KCNG4: variants seen among roughly 807,000 people sequenced by gnomAD.
KCNG4 encodes potassium voltage-gated channel modifier subfamily G member 4, also known as voltage-gated potassium channel regulatory subunit KCNG4.
A neutral mutation model predicts 28.2 loss-of-function variants in KCNG4; 30 were observed. That is an observed-to-expected ratio of 1.06 (90% CI 0.80 to 1.44). The LOEUF (loss-of-function observed/expected upper bound fraction) is 1.44, where lower values mean the gene tolerates loss of function less well. KCNG4 is among the 40% of genes most tolerant of loss of function. The pLI is 0.00. For missense variants in KCNG4, 879 were observed against 712.3 expected (o/e 1.23, Z -2.66); for synonymous variants, 375 against 315.5 (o/e 1.19, Z -2.00).
rs190551572 is a variant in KCNG4 at position 84,231,729 on chromosome 16, C to T, written c.756+5001G>A. On this transcript the variant is annotated intron_variant, in intron 2 of 2. Transcript: ENST00000308251. ...CATTCAAGTGAGAGTCGGGGTCGGG[C>T]GTGGTGGCTCAAGCTTGTAATCTCA... Among the ~76,000 whole-genome samples, 4 of 152,058 alleles carry T rather than the reference C, an allele frequency of 2.6e-5. No individual in the cohort carries two copies. In the East Asian group the frequency reaches 5.8e-4, roughly 22 times the overall value.
chr16:84,237,122 C>G lies in KCNG4; in HGVS notation c.364G>C (p.Val122Leu), dbSNP rs150663937. The change falls in exon 2 of 3, where the codon GTG becomes CTG. Residue 122 changes from valine (V) to leucine (L), a missense_variant. Coordinates refer to ENST00000308251, the MANE Select transcript of KCNG4 (RefSeq NM_172347.3). Reference sequence around the variant, plus strand: ...CCGGCCGCCAGGAAGCTCACGATCACCCCGAAGGCGCTGGGGCTCCTGTCG... The same window carrying G: ...CCGGCCGCCAGGAAGCTCACGATCAGCCCGAAGGCGCTGGGGCTCCTGTCG... ...FFDRSPSAFG[V>L]IVSFLAAGKL... is the part of the protein sequence containing the mutation. 6.2e-7 allele frequency: 1 copy of G among 1,614,152 alleles called. No individual in the cohort carries two copies. The highest frequency in any genetic ancestry group is 1.7e-5 in the Admixed American group (1 of 60,028).
chr16:84,239,160 A>C (rs1905044396), intron 1 of KCNG4, among the ~76,000 whole-genome samples: 1 of 152,202 alleles, frequency 6.6e-6, no homozygotes, highest in South Asian at 2.1e-4. Context: ...TCAATTTCAG[A>C]GCCGGTTGGA....
In KCNG4 at chr16:84,222,347, T is replaced by G. The variant is rs763086842; in HGVS notation, c.1430A>C (p.His477Pro). 14 of 1,613,956 alleles carry G rather than the reference T, an allele frequency of 8.7e-6. No homozygotes were observed. The highest frequency in any genetic ancestry group is 1.2e-5 in the Non-Finnish European group (14 of 1,179,974). Residue 477 changes from histidine to proline, a missense_variant, in exon 3 of 3, where the codon CAC becomes CCC. Coordinates refer to ENST00000308251, the MANE Select transcript of KCNG4 (RefSeq NM_172347.3). The part of the protein sequence containing the change: ...EQEQLQARLR[H>P]LQNTGPASEC... ...ACTGGCTGGACCGGTGTTTTGGAGG[T>G]GGCGGAGGCGGGCCTGAAGCTGCTC... is the stretch of plus-strand genomic sequence containing the variant.
intron 2 of KCNG4, 22 bp downstream of exon 2, chr16:84,236,708 A>C (rs1346836631): frequency 1.9e-6 from 3 of 1,590,904 alleles, no homozygotes; most frequent in African/African-American, 1.3e-5. Context: ...TGGAGCCGTG[A>C]ATGCCATCAG....
At chr16:84,225,182 G>A (rs1437230107) in intron 2 of KCNG4, among the ~76,000 whole-genome samples, 1 of 152,068 alleles carries the variant, frequency 6.6e-6, no homozygotes, top group Admixed American at 6.5e-5. Flanking sequence ...GGATATTACA[G>A]GAAGATGAGG....
At chr16:84,238,632 C>T (rs1358332061) in intron 1 of KCNG4, among the ~76,000 whole-genome samples, 2 of 152,114 alleles carry the variant, frequency 1.3e-5, no homozygotes, top group Admixed American at 6.5e-5. Flanking sequence ...CAGCACTTTG[C>T]GAGGCAGAGG....
At chr16:84,233,837 TA>T (rs1001374651) in intron 2 of KCNG4, among the ~76,000 whole-genome samples, 9 of 152,162 alleles carry the variant, frequency 5.9e-5, no homozygotes, top group African/African-American at 1.9e-4. Flanking sequence ...TGTGTAGTCA[TA>T]GGGGGTCGGA....
chr16:84,228,580 C>T (rs1904749796), intron 2 of KCNG4, among the ~76,000 whole-genome samples: 1 of 152,132 alleles, frequency 6.6e-6, no homozygotes, highest in African/African-American at 2.4e-5. Context: ...CCCCGAGCCG[C>T]AATCCCTCCT....
At chr16:84,232,430 G>A (rs909999998) in intron 2 of KCNG4, among the ~76,000 whole-genome samples, 3 of 152,168 alleles carry the variant, frequency 2.0e-5, no homozygotes, top group African/African-American at 7.2e-5. Flanking sequence ...TGGTGGGAGA[G>A]GAAGGAGGAG....
chr16:84,223,111 TG>T, intron 2 of KCNG4, 91 bp from the exon 3 acceptor site: 1 of 1,061,508 alleles, frequency 9.4e-7, no homozygotes, highest in Admixed American at 3.0e-5. Flanking sequence ...ATGAGCTTTG[TG>T]CTGTAAACTT....
rs1904978687 is a variant in KCNG4 at position 84,237,030 on chromosome 16, G to A, written c.456C>T (p.Ile152=). 1.2e-6 allele frequency: 2 copies of A among 1,613,834 alleles called. No homozygotes were observed. Among genetic ancestry groups the A allele is most frequent in the African/African-American group, 1.3e-5 (1 of 74,966 alleles). ...SFQEELAYWG[I]EEAHLERCCL... ...AGCACCTCTCCAGGTGGGCCTCCTC[G>A]ATGCCCCAGTAGGCCAGCTCCTCCT... The change falls in exon 2 of 3, where the codon ATC becomes ATT. Residue 152 remains isoleucine (I), a synonymous_variant. Coordinates refer to ENST00000308251, the MANE Select transcript of KCNG4 (RefSeq NM_172347.3).
At chr16:84,225,351 C>G (rs552494735) in intron 2 of KCNG4, among the ~76,000 whole-genome samples, 1 of 152,182 alleles carries the variant, frequency 6.6e-6, no homozygotes, top group South Asian at 2.1e-4. Context: ...GCTTCAGTTT[C>G]CAATGCAGAG....
At position 84,237,541 on chromosome 16, in the gene KCNG4, C is replaced by T. The variant is rs1905004722; in HGVS notation, c.-40-16G>A. 1 of 1,423,166 alleles carries T rather than the reference C, an allele frequency of 7.0e-7. No individual in the cohort carries two copies. 88.2% of individuals were successfully genotyped at this position (1,423,166 alleles called of 1,614,324 possible). A position where few individuals can be genotyped will look rare whatever the true frequency, so the allele number is the denominator to read the frequency against. ...GTTTACCAGTCTGACACCCAAGGGA[C>T]AAAGAGCAAGCAAAAGGAAGGGAAA... On this transcript the variant is annotated splice_polypyrimidine_tract_variant and intron_variant, in intron 1 of 2. Coordinates refer to ENST00000308251, the MANE Select transcript of KCNG4 (RefSeq NM_172347.3).
At chr16:84,227,022 A>G (rs1203966518) in intron 2 of KCNG4, among the ~76,000 whole-genome samples, 1 of 152,214 alleles carries the variant, frequency 6.6e-6, no homozygotes, top group Non-Finnish European at 1.5e-5. Flanking sequence ...GTTAAAAAAA[A>G]AAAGGATAAT....
At chr16:84,232,960 A>T (rs1182328716) in intron 2 of KCNG4, among the ~76,000 whole-genome samples, 2 of 151,890 alleles carry the variant, frequency 1.3e-5, no homozygotes, top group Non-Finnish European at 2.9e-5. Context: ...GAAATCAGAA[A>T]TTTGTCTTCT....
rs766259141 is a variant in KCNG4 at position 84,237,218 on chromosome 16, G to T, written c.268C>A (p.Leu90Ile). ...ACGATCTCCTCGTAGCTCCGACAGA[G>T]CCTGAGTTTGCTCAGGCGGCTCAGC... is the stretch of plus-strand genomic sequence containing the variant. ...FPLSRLSKLR[L>I]CRSYEEIVQL... The change falls in exon 2 of 3, where the codon CTC becomes ATC. Residue 90 changes from leucine to isoleucine, a missense_variant. Coordinates refer to ENST00000308251, the MANE Select transcript of KCNG4 (RefSeq NM_172347.3). 1.9e-6 allele frequency: 3 copies of T among 1,614,008 alleles called. No homozygotes were observed. The highest frequency in any genetic ancestry group is 2.5e-6 in the Non-Finnish European group (3 of 1,180,040).
In KCNG4 at chr16:84,222,239, G is replaced by T; in HGVS notation, c.1538C>A (p.Ala513Asp). The T allele has an allele frequency of 6.2e-7, 1 of 1,614,146 alleles. No individual in the cohort carries two copies. Residue 513 changes from alanine (A) to aspartate (D), a missense_variant, in exon 3 of 3, where the codon GCC becomes GAC. Physicochemically the swap from Ala to Asp is moderately radical, Grantham distance 126. Transcript: ENST00000308251. ...DVNDLILEGPALPIMHM is the reference protein window; with the variant it reads ...DVNDLILEGPDLPIMHM ...GAGTTACATGTGCATGATAGGCAAG[G>T]CTGGGCCCTCCAGGATTAGGTCATT...
chr16:84,224,595 T>C (rs1025959406), intron 2 of KCNG4, among the ~76,000 whole-genome samples: 20 of 152,196 alleles, frequency 1.3e-4, no homozygotes, highest in Non-Finnish European at 2.2e-4. Context: ...TAAATTGAAA[T>C]GTTCTTTATG....
intron 1 of KCNG4, among the ~76,000 whole-genome samples, chr16:84,239,175 G>A (rs1233859450): frequency 6.6e-6 from 1 of 151,928 alleles, no homozygotes; most frequent in East Asian, 1.9e-4. Flanking sequence ...GTTGGATTCC[G>A]GTGGATAGTG....
Sources: gnomAD v4.1 joint callset for allele counts (sites outside exome capture counted in the v4.1 genomes callset) on GRCh38, gnomAD v4.1.1 for gene constraint, MANE v1.5 for transcripts, NCBI Gene and HGNC (gene_info 2026-07-23, HGNC 2026-07-21) for gene names.